The following TCF20 variants were observed in gnomAD, a reference collection of about 807,000 sequenced individuals.
TCF20 encodes transcription factor 20.
A neutral mutation model predicts 148.6 loss-of-function variants in TCF20; 3 were observed. That is an observed-to-expected ratio of 0.02 (90% CI 0.01 to 0.05). TCF20 has a LOEUF of 0.05. TCF20 is among the 10% of genes least tolerant of loss of function. TCF20 has a pLI of 1.00. For synonymous variants in TCF20, 1,049 were observed against 909.5 expected, an observed-to-expected ratio of 1.15 and a Z score of -2.76; for missense variants, 2,350 against 2,429.3, an observed-to-expected ratio of 0.97 and a Z score of 0.69.
At chr22:42,303,431 C>T (rs1569204927) in intron 1 of TCF20, among the ~76,000 whole-genome samples, 1 of 152,262 alleles carries the variant, frequency 6.6e-6, no homozygotes, top group Non-Finnish European at 1.5e-5. Flanking sequence ...AGCGTTCGCT[C>T]GGTGCAGGGC....
chr22:42,309,409 C>T (rs1487608238), intron 1 of TCF20, among the ~76,000 whole-genome samples: 1 of 152,062 alleles, frequency 6.6e-6, no homozygotes, highest in Non-Finnish European at 1.5e-5. Context: ...CCAGACCCCG[C>T]CAGGCCCCAG....
At chr22:42,233,355 A>G (rs2147284299) in intron 1 of TCF20, among the ~76,000 whole-genome samples, 1 of 152,344 alleles carries the variant, frequency 6.6e-6, no homozygotes, top group South Asian at 2.1e-4. Context: ...AGTAAGGAAG[A>G]CAGGCTGGGA....
exon 1 of TCF20, chr22:42,343,525 AGCGGGGCCGGGCTCCGGAGCGCGGGGC>A (rs1216932076): frequency 2.0e-5 from 3 of 146,406 alleles, no homozygotes; most frequent in African/African-American, 4.9e-5. Flanking sequence ...GAGCCCGGGC[AGCGGGGCCGGGCTCCGGAGCGCGGGGC>A]GCGGGCGCGA....
intron 1 of TCF20, among the ~76,000 whole-genome samples, chr22:42,337,275 G>A (rs1469760419): frequency 6.6e-6 from 1 of 151,438 alleles, no homozygotes; most frequent in Non-Finnish European, 1.5e-5. Flanking sequence ...CCTCTCCCTG[G>A]CACCTCCTCT....
At chr22:42,272,145 G>T (rs558606167), upstream of TCF20, among the ~76,000 whole-genome samples, 15 of 152,224 alleles carry the variant, frequency 9.9e-5, no homozygotes, top group Non-Finnish European at 7.3e-5. Context: ...AGGCTCTTCC[G>T]GGGCAGAGCT....
intron 1 of TCF20, among the ~76,000 whole-genome samples, chr22:42,216,078 C>CTTTTTT (rs1569156309): frequency 7.4e-5 from 4 of 53,786 alleles, no homozygotes; most frequent in African/African-American, 2.5e-4. Context: ...AAAACCAAAT[C>CTTTTTT]CTTTTTTTTT....
Position 42,211,414 on chromosome 22 carries a change from A to G in TCF20, c.3892T>C (p.Ser1298Pro). The stretch of plus-strand genomic sequence containing the variant: ...TGACTGTGAGAAAGATGGGCATAGG[A>G]ATTGAATGCTTTATCAGCGCCTTCT... ...SKEGADKAFNSYAHLSHSQDI... is the reference protein window; with the variant it reads ...SKEGADKAFNPYAHLSHSQDI... Residue 1298 changes from serine (S) to proline (P), a missense_variant, in exon 2 of 6, where the codon TCC becomes CCC. This residue lies in a region of TCF20 where 1,641 missense variants were observed against 1,662.6 expected (regional missense o/e 0.99). Coordinates refer to ENST00000677622, the MANE Select transcript of TCF20 (RefSeq NM_001378418.1). 6.2e-7 allele frequency: 1 copy of G among 1,614,164 alleles called. No homozygotes were observed. The highest frequency in any genetic ancestry group is 8.5e-7 in the Non-Finnish European group (1 of 1,180,042).
intron 1 of TCF20, among the ~76,000 whole-genome samples, chr22:42,222,646 T>C (rs1296035253): frequency 6.6e-6 from 1 of 152,134 alleles, no homozygotes; most frequent in Non-Finnish European, 1.5e-5. Flanking sequence ...GGCCCATAAA[T>C]TCCTTCTTGC....
chr22:42,301,593 G>C (rs115102909), intron 1 of TCF20, among the ~76,000 whole-genome samples: 3,234 of 152,322 alleles, frequency 0.021, 105 homozygotes, highest in African/African-American at 0.074. Flanking sequence ...GGAGGTGTCT[G>C]CAAGAGCCAT....
chr22:42,254,898 G>A (rs1925638862), intron 1 of TCF20, among the ~76,000 whole-genome samples: 1 of 135,784 alleles, frequency 7.4e-6, no homozygotes, highest in South Asian at 2.5e-4. Flanking sequence ...CTGGGAGGCA[G>A]AGCTTGAGAA....
At chr22:42,202,785 C>T (rs1050570329) in intron 2 of TCF20, among the ~76,000 whole-genome samples, 6 of 152,152 alleles carry the variant, frequency 3.9e-5, no homozygotes, top group South Asian at 2.1e-4. Context: ...GACCTGTGTG[C>T]GGCAAGGCAT....
intron 1 of TCF20, among the ~76,000 whole-genome samples, chr22:42,294,726 A>G: frequency 6.6e-6 from 1 of 152,118 alleles, no homozygotes; most frequent in East Asian, 1.9e-4. Flanking sequence ...TGATGTCCCA[A>G]CTCTGTAGAT....
chr22:42,168,140 A>C (rs1022969483), intron 5 of TCF20, among the ~76,000 whole-genome samples: 3 of 152,194 alleles, frequency 2.0e-5, no homozygotes, highest in African/African-American at 7.2e-5. Flanking sequence ...CTGGAAAAAA[A>C]AGATTTCTAA....
chr22:42,252,410 T>G (rs1340285552), intron 1 of TCF20, among the ~76,000 whole-genome samples: 2 of 152,152 alleles, frequency 1.3e-5, no homozygotes, highest in Non-Finnish European at 2.9e-5. Flanking sequence ...TTCGGTAATA[T>G]TTTATAAAAT....
rs564049539 is a variant in TCF20 at position 42,339,862 on chromosome 22, T to C, written c.-37+3617A>G. Among the ~76,000 whole-genome samples, 59 of 152,236 alleles carry C rather than the reference T, an allele frequency of 3.9e-4. 1 individual carries two copies. The highest frequency in any genetic ancestry group is 1.3e-3 in the African/African-American group (56 of 41,544). The stretch of plus-strand genomic sequence containing the variant: ...CGCAGACTCAGGCCAGAACCTCAGG[T>C]ATCCGGTGGGGCCCATCTCCCTCCC... On this transcript the variant is annotated intron_variant, in intron 1 of 1. Transcript: ENST00000515426.
chr22:42,315,879 C>T (rs1048801119), intron 1 of TCF20, among the ~76,000 whole-genome samples: 5 of 151,592 alleles, frequency 3.3e-5, no homozygotes, highest in Non-Finnish European at 7.4e-5. Context: ...TTTGGGAGGC[C>T]GAGGTGGGTG....
At chr22:42,182,550 G>A (rs1349299258) in intron 2 of TCF20, among the ~76,000 whole-genome samples, 2 of 152,154 alleles carry the variant, frequency 1.3e-5, no homozygotes, top group Non-Finnish European at 2.9e-5. Flanking sequence ...CCACAACCTG[G>A]CAAGCAGTGT....
intron 1 of TCF20, among the ~76,000 whole-genome samples, chr22:42,281,274 G>C (rs1292821084): frequency 6.6e-6 from 1 of 152,218 alleles, no homozygotes; most frequent in Non-Finnish European, 1.5e-5. Flanking sequence ...GCCTGAGAGA[G>C]GCTGGCTTGG....
intron 1 of TCF20, among the ~76,000 whole-genome samples, chr22:42,245,710 A>G (rs1924846980): frequency 6.6e-6 from 1 of 152,130 alleles, no homozygotes; most frequent in African/African-American, 2.4e-5. Flanking sequence ...AGCTCTTACT[A>G]AGCTTTGGTA....
Sources: allele counts gnomAD v4.1 joint callset (sites outside exome capture counted in the v4.1 genomes callset), GRCh38; gene constraint gnomAD v4.1.1; regional missense constraint gnomAD v4.1.1; transcripts MANE v1.5; gene names NCBI Gene and HGNC (gene_info 2026-07-23, HGNC 2026-07-21).